The following TMEM232 variants were observed in gnomAD, a reference collection of about 807,000 sequenced individuals.
The protein encoded by TMEM232 is transmembrane protein 232.
A neutral mutation model predicts 78.8 loss-of-function variants in TMEM232; 80 were observed. The ratio of observed to expected loss-of-function variants is 1.01; its 90% CI spans 0.85 to 1.22. The LOEUF (loss-of-function observed/expected upper bound fraction) is 1.22, where lower values mean the gene tolerates loss of function less well. Ranked by LOEUF, TMEM232 falls within the 50% of genes most tolerant of loss-of-function variation. TMEM232 has a pLI of 0.00. For synonymous variants in TMEM232, 297 were observed against 254.3 expected (o/e 1.17, Z -1.60); for missense variants, 881 against 742.2 (o/e 1.19, Z -2.17).
At chr5:110,408,102 C>G (rs1755860613) in intron 2 of TMEM232, among the ~76,000 whole-genome samples, 1 of 151,738 alleles carries the variant, frequency 6.6e-6, no homozygotes, top group Non-Finnish European at 1.5e-5. Context: ...AAAGATACAA[C>G]AAAAAGTTGT....
intron 10 of TMEM232, among the ~76,000 whole-genome samples, chr5:110,601,741 A>T (rs1050448834): frequency 2.6e-5 from 4 of 152,194 alleles, no homozygotes; most frequent in Non-Finnish European, 5.9e-5. Flanking sequence ...TATAGATTCA[A>T]TACTATTCCC....
intron 7 of TMEM232, among the ~76,000 whole-genome samples, chr5:110,621,620 G>A (rs1049414115): frequency 6.6e-6 from 1 of 152,028 alleles, no homozygotes; most frequent in Non-Finnish European, 1.5e-5. Flanking sequence ...TTTTACCACA[G>A]ATAGTTTGAA....
At chr5:110,480,935 T>C (rs879644715) in intron 12 of TMEM232, among the ~76,000 whole-genome samples, 10 of 152,138 alleles carry the variant, frequency 6.6e-5, no homozygotes, top group African/African-American at 9.6e-5. Flanking sequence ...TGACTTGTAT[T>C]CATTTTATAC....
At chr5:110,644,269 CCTACG>C (rs1250009363) in intron 2 of TMEM232, among the ~76,000 whole-genome samples, 1 of 151,802 alleles carries the variant, frequency 6.6e-6, no homozygotes, top group East Asian at 1.9e-4. Context: ...TCTATGTGAA[CCTACG>C]CTACATAAAG....
At chr5:110,569,072 GA>G (rs1270156146) in intron 10 of TMEM232, among the ~76,000 whole-genome samples, 1 of 151,648 alleles carries the variant, frequency 6.6e-6, no homozygotes, top group African/African-American at 2.4e-5. Context: ...GAACCAAGAA[GA>G]AAATGTGCAA....
chr5:110,452,920 C>T (rs908437923), intron 12 of TMEM232, among the ~76,000 whole-genome samples: 2 of 152,134 alleles, frequency 1.3e-5, no homozygotes, highest in Non-Finnish European at 2.9e-5. Flanking sequence ...AATGTGTGCA[C>T]GTACTCCTTA....
At chr5:110,423,070 T>C (rs1457293333) in intron 13 of TMEM232, among the ~76,000 whole-genome samples, 5 of 152,178 alleles carry the variant, frequency 3.3e-5, no homozygotes, top group African/African-American at 1.2e-4. Flanking sequence ...ATGATAACCC[T>C]TCAACAAAAG....
chr5:110,620,615 CT>C (rs1783540627), intron 7 of TMEM232, among the ~76,000 whole-genome samples: 9 of 136,264 alleles, frequency 6.6e-5, no homozygotes, highest in African/African-American at 2.2e-4. Context: ...CTCTCTCTCT[CT>C]CTCTCTCTCT....
intron 1 of TMEM232, among the ~76,000 whole-genome samples, chr5:110,694,881 T>C (rs1283724604): frequency 2.0e-5 from 3 of 152,076 alleles, no homozygotes; most frequent in African/African-American, 7.2e-5. Context: ...CTGTCAACAT[T>C]AGACAGATCA....
intron 10 of TMEM232, among the ~76,000 whole-genome samples, chr5:110,595,187 C>A (rs1157809329): frequency 6.6e-6 from 1 of 152,200 alleles, no homozygotes; most frequent in African/African-American, 2.4e-5. Context: ...AGGGGCCTGA[C>A]TGTTAGAAGG....
intron 3 of TMEM232, among the ~76,000 whole-genome samples, chr5:110,393,897 G>A (rs1006729193): frequency 1.3e-5 from 2 of 148,224 alleles, no homozygotes; most frequent in Non-Finnish European, 3.0e-5. Context: ...GGCAGAGGTT[G>A]CAGCGGGCCA....
chr5:110,696,143 T>C (rs1038478908), intron 1 of TMEM232, among the ~76,000 whole-genome samples: 5 of 152,310 alleles, frequency 3.3e-5, no homozygotes, highest in African/African-American at 1.2e-4. Flanking sequence ...GCAAGGCTGG[T>C]TCACCATACG....
At chr5:110,513,604 T>C (rs1305302229) in intron 12 of TMEM232, among the ~76,000 whole-genome samples, 1 of 152,078 alleles carries the variant, frequency 6.6e-6, no homozygotes, top group African/African-American at 2.4e-5. Context: ...ACAACATCAC[T>C]AATCATCAGG....
chr5:110,533,025 C>A (rs985477039), intron 11 of TMEM232, among the ~76,000 whole-genome samples: 18 of 152,148 alleles, frequency 1.2e-4, no homozygotes, highest in Admixed American at 9.2e-4. Flanking sequence ...CTGTGGTGCC[C>A]AACCCGTACA....
chr5:110,517,243 T>C (rs1176036394), intron 12 of TMEM232, among the ~76,000 whole-genome samples: 1 of 152,206 alleles, frequency 6.6e-6, no homozygotes. Flanking sequence ...TGATTCACTC[T>C]ATTAATTCGA....
intron 11 of TMEM232, among the ~76,000 whole-genome samples, chr5:110,562,287 C>T (rs1775841035): frequency 6.6e-6 from 1 of 152,030 alleles, no homozygotes; most frequent in African/African-American, 2.4e-5. Flanking sequence ...ATTTAATGCC[C>T]ATGAATGCTC....
At chr5:110,528,518 T>C in intron 12 of TMEM232, 70 bp downstream of exon 12, 1 of 1,389,490 alleles carries the variant, frequency 7.2e-7, no homozygotes, top group Non-Finnish European at 9.3e-7. Context: ...TGGCACATAA[T>C]TATCTATAAT....
intron 12 of TMEM232, among the ~76,000 whole-genome samples, chr5:110,442,099 T>G (rs1378122013): frequency 6.6e-6 from 1 of 152,148 alleles, no homozygotes; most frequent in African/African-American, 2.4e-5. Context: ...TGAGGAAGTC[T>G]TCTTTGGGTT....
intron 2 of TMEM232, among the ~76,000 whole-genome samples, chr5:110,403,649 C>A (rs1755685946): frequency 6.6e-6 from 1 of 152,062 alleles, no homozygotes. Context: ...AATAGAAACA[C>A]ATAGGGATTT....
Sources: allele counts gnomAD v4.1 joint callset (sites outside exome capture counted in the v4.1 genomes callset), GRCh38; gene constraint gnomAD v4.1.1; transcripts MANE v1.5; gene names NCBI Gene and HGNC (gene_info 2026-07-23, HGNC 2026-07-21).